ECPAS: variants seen among roughly 807,000 people sequenced by gnomAD.
ECPAS encodes the protein proteasome adapter and scaffold protein ECM29.
Under a neutral mutation model 255.1 loss-of-function variants are expected in ECPAS, and 70 were observed. The ratio of observed to expected loss-of-function variants is 0.27; its 90% confidence interval spans 0.23 to 0.33. The LOEUF is 0.33. Ranked by LOEUF, ECPAS falls within the 10% of genes least tolerant of loss-of-function variation. The pLI, the probability that ECPAS is intolerant of heterozygous loss-of-function variation, is 1.00. For synonymous variants in ECPAS, 784 were observed against 775.0 expected (o/e 1.01, Z -0.19); for missense variants, 1,817 against 2,206.4 (o/e 0.82, Z 3.54).
At chr9:111,388,967 T>C (rs184716813) in intron 31 of ECPAS, among the ~76,000 whole-genome samples, 1,795 of 152,368 alleles carry the variant, frequency 0.012, 22 homozygotes, top group Non-Finnish European at 0.02. Context: ...TACATATGCA[T>C]GTCTAAAGTG....
At chr9:111,437,169 T>C in intron 6 of ECPAS, 61 bp from the exon 7 acceptor site, 1 of 1,330,838 alleles carries the variant, frequency 7.5e-7, no homozygotes, top group Non-Finnish European at 1.0e-6. Flanking sequence ...ACTATATATG[T>C]ATACAAAACA....
At chr9:111,419,019 AC>A (rs2098208901) in intron 16 of ECPAS, among the ~76,000 whole-genome samples, 1 of 152,202 alleles carries the variant, frequency 6.6e-6, no homozygotes, top group African/African-American at 2.4e-5. Context: ...CAATTAAAAT[AC>A]CAACCAAATA....
At chr9:111,387,875 G>A (rs2098152678) in intron 31 of ECPAS, among the ~76,000 whole-genome samples, 1 of 152,168 alleles carries the variant, frequency 6.6e-6, no homozygotes, top group Non-Finnish European at 1.5e-5. Context: ...CTCATCAACA[G>A]TGCAGTTACT....
chr9:111,437,231 G>C, intron 6 of ECPAS, 123 bp from the exon 7 acceptor site: 6 of 802,592 alleles, frequency 7.5e-6, no homozygotes, highest in Non-Finnish European at 1.0e-5. Context: ...ATGAACACTT[G>C]AAATTAAAAT....
chr9:111,415,913 T>C (rs1311576728), intron 18 of ECPAS, among the ~76,000 whole-genome samples: 1 of 152,100 alleles, frequency 6.6e-6, no homozygotes, highest in Non-Finnish European at 1.5e-5. Flanking sequence ...TTAATAAGTG[T>C]GATCAATTTA....
chr9:111,385,487 T>C (rs1342463880), intron 32 of ECPAS, 45 bp from the exon 33 acceptor site: 1 of 1,046,276 alleles, frequency 9.6e-7, no homozygotes. Context: ...AAAAGGTCAG[T>C]ATTTTACTAT....
chr9:111,404,827 A>C (rs1465559170), intron 24 of ECPAS, among the ~76,000 whole-genome samples: 1 of 148,796 alleles, frequency 6.7e-6, no homozygotes, highest in African/African-American at 2.6e-5. Context: ...AAAAAAAAAA[A>C]AAAAAAACCT....
intron 8 of ECPAS, 111 bp from the exon 9 acceptor site, chr9:111,430,739 A>T (rs758200385): frequency 1.6e-5 from 11 of 709,164 alleles, no homozygotes; most frequent in Non-Finnish European, 2.5e-5. Flanking sequence ...TTAGAAACAC[A>T]CAAATGAAAT....
chr9:111,451,429 T>C lies in ECPAS; in HGVS notation c.149A>G (p.Lys50Arg). The change falls in exon 3 of 50, where the codon AAA becomes AGA. Residue 50 changes from lysine to arginine, a missense_variant. Around this residue, in one of 4 missense-constraint regions of ECPAS, gnomAD observed 90 missense variants for 158.5 expected, o/e 0.57. Coordinates refer to ENST00000684092, the MANE Select transcript of ECPAS (RefSeq NM_001364929.1). ...KLSSTQEGVR[K>R]KVMELLVHLN... ...CAGCTGTCCCAACATGCTTACCTTTTTACGTACTCCTTCTTGGGTGCTAGA... is the reference window on the plus strand; with the variant it reads ...CAGCTGTCCCAACATGCTTACCTTTCTACGTACTCCTTCTTGGGTGCTAGA... The C allele has an allele frequency of 6.4e-7, 1 of 1,570,730 alleles. No individual in the cohort carries two copies.
intron 43 of ECPAS, 99 bp downstream of exon 43, chr9:111,371,522 A>T: frequency 9.1e-7 from 1 of 1,099,818 alleles, no homozygotes; most frequent in East Asian, 2.4e-5. Flanking sequence ...TCACAAAAAT[A>T]ATCCATTGGA....
chr9:111,406,424 A>G (rs1023201839), intron 24 of ECPAS, among the ~76,000 whole-genome samples: 1 of 149,742 alleles, frequency 6.7e-6, no homozygotes, highest in Non-Finnish European at 1.5e-5. Context: ...ACAAAAATTA[A>G]GTTTTAGTGT....
At chr9:111,388,668 GA>G (rs903263312) in intron 31 of ECPAS, among the ~76,000 whole-genome samples, 37 of 150,316 alleles carry the variant, frequency 2.5e-4, no homozygotes, top group Admixed American at 7.3e-4. Flanking sequence ...CGGCAAAGAG[GA>G]AAAAAAAAGA....
At chr9:111,397,458 C>T (rs983638760) in intron 24 of ECPAS, among the ~76,000 whole-genome samples, 8 of 152,194 alleles carry the variant, frequency 5.3e-5, no homozygotes, top group Non-Finnish European at 1.2e-4. Context: ...AGACAGAAAA[C>T]CCCATCAACT....
At chr9:111,415,020 T>C (rs1376276512) in intron 18 of ECPAS, among the ~76,000 whole-genome samples, 2 of 151,866 alleles carry the variant, frequency 1.3e-5, no homozygotes, top group African/African-American at 4.8e-5. Flanking sequence ...CAACAGACAC[T>C]GGGGTATACT....
At chr9:111,435,609 T>C (rs1465913395) in intron 7 of ECPAS, among the ~76,000 whole-genome samples, 2 of 152,130 alleles carry the variant, frequency 1.3e-5, no homozygotes, top group Non-Finnish European at 2.9e-5. Flanking sequence ...AAATGAGATA[T>C]TGTATTCAAA....
At chr9:111,480,451 C>T (rs1239902448) in intron 1 of ECPAS, among the ~76,000 whole-genome samples, 2 of 151,814 alleles carry the variant, frequency 1.3e-5, no homozygotes, top group Non-Finnish European at 2.9e-5. Flanking sequence ...GCACGTGCCG[C>T]CACACCAGGC....
At chr9:111,394,846 G>GT (rs1252590455) in intron 25 of ECPAS, among the ~76,000 whole-genome samples, 1 of 152,052 alleles carries the variant, frequency 6.6e-6, no homozygotes, top group African/African-American at 2.4e-5. Context: ...GTGTCTAGGG[G>GT]GAAAAATCTC....
Position 111,484,140 on chromosome 9 carries a change from C to T in ECPAS, c.-107G>A. 1 of 1,463,264 alleles carries T rather than the reference C, an allele frequency of 6.8e-7. No individual in the cohort carries two copies. Among genetic ancestry groups the T allele is most frequent in the Non-Finnish European group, 9.0e-7 (1 of 1,110,354 alleles). The allele number at this position is 1,463,264 out of a possible 1,614,324, so 90.6% of individuals were successfully genotyped here. ...CCTGAGTCGGAGCCGGTCTCCATGC[C>T]GCGGACGCTGCGCTCGGCGCCGCGA... On this transcript the variant is annotated 5_prime_UTR_variant, in exon 1 of 50. Coordinates refer to ENST00000684092, the MANE Select transcript of ECPAS (RefSeq NM_001364929.1).
intron 2 of ECPAS, among the ~76,000 whole-genome samples, chr9:111,456,634 A>G (rs1241392075): frequency 6.6e-6 from 1 of 152,236 alleles, no homozygotes; most frequent in Admixed American, 6.5e-5. Context: ...ACTACTATGA[A>G]TAAGAAGCTA....
Sources: gnomAD v4.1 joint callset for allele counts (sites outside exome capture counted in the v4.1 genomes callset) on GRCh38, gnomAD v4.1.1 for gene constraint, gnomAD v4.1.1 regional missense constraint, MANE v1.5 for transcripts, NCBI Gene and HGNC (gene_info 2026-07-23, HGNC 2026-07-21) for gene names.